TTN: variants seen among roughly 807,000 people sequenced by gnomAD.
TTN encodes the protein titin.
TTN carries 1,525 observed loss-of-function variants against 3,223.0 expected under a neutral mutation model. The ratio of observed to expected loss-of-function variants is 0.47; its 90% confidence interval spans 0.45 to 0.49. The LOEUF (loss-of-function observed/expected upper bound fraction) is 0.49. Ranked by LOEUF, TTN falls within the 20% of genes least tolerant of loss-of-function variation. TTN has a pLI of 0.00. For synonymous variants in TTN, 14,094 were observed against 15,161.0 expected, an observed-to-expected ratio of 0.93 and a Z score of 5.17; for missense variants, 40,786 against 43,424.0, an observed-to-expected ratio of 0.94 and a Z score of 5.40.
At chr2:178,624,177 G>C (rs1419058563) in intron 242 of TTN, among the ~76,000 whole-genome samples, 1 of 151,896 alleles carries the variant, frequency 6.6e-6, no homozygotes, top group Non-Finnish European at 1.5e-5. Flanking sequence ...CATACAGTAG[G>C]CTGACCCCAT....
chr2:178,561,416 T>A lies in TTN; in HGVS notation c.84716A>T (p.Lys28239Ile). The change falls in exon 326 of 363, where the codon AAA becomes ATA. Residue 28239 changes from lysine to isoleucine, a missense_variant. Physicochemically the swap from Lys to Ile is moderately radical, Grantham distance 102. Transcript: ENST00000589042. Reference sequence around the variant, plus strand: ...GACTGGTTCACAAGATTTACTGCATTTACCAATTCCAGCAATATTTTCAGC... The same window carrying A: ...GACTGGTTCACAAGATTTACTGCATATACCAATTCCAGCAATATTTTCAGC... ...VYAENIAGIG[K>I]CSKSCEPVPA... 2 of 1,613,788 alleles carry A rather than the reference T, an allele frequency of 1.2e-6. No individual in the cohort carries two copies. Among genetic ancestry groups the A allele is most frequent in the Non-Finnish European group, 1.7e-6 (2 of 1,179,800 alleles).
intron 3 of TTN, among the ~76,000 whole-genome samples, chr2:178,801,926 T>G (rs2094085502): frequency 6.6e-6 from 1 of 152,210 alleles, no homozygotes; most frequent in Non-Finnish European, 1.5e-5. Flanking sequence ...ATTGAGAAAC[T>G]GATTCTCAGT....
intron 152 of TTN, 84 bp from the exon 153 acceptor site, chr2:178,672,787 T>A: frequency 8.7e-7 from 1 of 1,153,500 alleles, no homozygotes; most frequent in Non-Finnish European, 1.2e-6. Flanking sequence ...ACGCCAACAT[T>A]ACAATAATTA....
At chr2:178,794,650 C>G in intron 7 of TTN, 99 bp from the exon 8 acceptor site, 1 of 1,398,152 alleles carries the variant, frequency 7.2e-7, no homozygotes, top group Non-Finnish European at 1.0e-6. Flanking sequence ...GAGCAAAATA[C>G]ACTCATACAT....
intron 117 of TTN, 163 bp downstream of exon 117, chr2:178,694,436 T>C (rs2073192417): frequency 1.9e-6 from 1 of 517,736 alleles, no homozygotes; most frequent in African/African-American, 2.0e-5. Context: ...TGTTACTATT[T>C]AAATTAAACA....
chr2:178,673,770 A>G (rs2154266084), intron 151 of TTN, 60 bp from the exon 152 acceptor site: 3 of 1,114,224 alleles, frequency 2.7e-6, no homozygotes, highest in Middle Eastern at 2.0e-4. Context: ...AACACCACCC[A>G]TATACCAATA....
Position 178,764,731 on chromosome 2 carries a change from T to A in TTN, c.9784A>T (p.Ile3262Leu). 2.5e-6 allele frequency: 4 copies of A among 1,614,076 alleles called. No homozygotes were observed. The highest frequency in any genetic ancestry group is 3.4e-6 in the Non-Finnish European group (4 of 1,180,002). ...ATTTTGGGCTGTGGTCTTCCGGATA[T>A]CACGGCACAGAAGCGGGCAGGCTTG... ...SGKPARFCAV[I>L]SGRPQPKISW... The change falls in exon 42 of 363, where the codon ATA becomes TTA. Residue 3262 changes from isoleucine to leucine, a missense_variant. Transcript: ENST00000589042.
rs547493691 is a variant in TTN at position 178,786,169 on chromosome 2, C to A, written c.2077-28G>T. 8 of 1,611,516 alleles carry A rather than the reference C, an allele frequency of 5.0e-6. No homozygotes were observed. The East Asian group carries it at 1.6e-4, about 31-fold the overall frequency. On this transcript the variant is annotated intron_variant, in intron 13 of 362. Transcript: ENST00000589042. Reference sequence around the variant, plus strand: ...GGAGACAAGGTTTCCAGAATTAATACATAGGAATATCGAGATCAGGCTGGA... The same window carrying A: ...GGAGACAAGGTTTCCAGAATTAATAAATAGGAATATCGAGATCAGGCTGGA...
In TTN at chr2:178,770,568, T is replaced by G. The variant is rs1357613078; in HGVS notation, c.8224A>C (p.Lys2742Gln). The G allele has an allele frequency of 6.2e-7, 1 of 1,614,160 alleles. No individual in the cohort carries two copies. The highest frequency in any genetic ancestry group is 8.5e-7 in the Non-Finnish European group (1 of 1,179,996). The change falls in exon 35 of 363, where the codon AAA (lysine) becomes CAA (glutamine). Residue 2742 changes from lysine to glutamine, a missense_variant. Coordinates refer to ENST00000589042, the MANE Select transcript of TTN (RefSeq NM_001267550.2). ...HPNVKGVQWIKNGVVLESNEK... is the reference protein window; with the variant it reads ...HPNVKGVQWIQNGVVLESNEK... ...TTGGATTCCAGCACAACTCCATTTT[T>G]GATCCACTGGACACCTTTGACATTA...
At position 178,532,748 on chromosome 2, in the gene TTN, T is replaced by C; in HGVS notation, c.103867A>G (p.Lys34623Glu). ...DQYRPKWRIP[K>E]LSQDDLEIVR... Reference sequence around the variant, plus strand: ...ATCTCAAGATCATCTTGGGACAGTTTAGGAATACGCCATTTAGGTCTGTAT... The same window carrying C: ...ATCTCAAGATCATCTTGGGACAGTTCAGGAATACGCCATTTAGGTCTGTAT... The change falls in exon 358 of 363, where the codon AAA becomes GAA. Residue 34623 changes from lysine (K) to glutamate (E), a missense_variant. Coordinates refer to ENST00000589042, the MANE Select transcript of TTN (RefSeq NM_001267550.2). The C allele has an allele frequency of 6.2e-7, 1 of 1,613,962 alleles. No individual in the cohort carries two copies. The highest frequency in any genetic ancestry group is 8.5e-7 in the Non-Finnish European group (1 of 1,179,858).
At chr2:178,675,484 G>A (rs1015676311) in intron 149 of TTN, among the ~76,000 whole-genome samples, 187 bp downstream of exon 149, 4 of 151,558 alleles carry the variant, frequency 2.6e-5, no homozygotes, top group African/African-American at 4.8e-5. Flanking sequence ...ATAGAGAAAC[G>A]ATGTAAAGCA....
At chr2:178,540,767 G>C (rs1694042946) in intron 350 of TTN, among the ~76,000 whole-genome samples, 1 of 152,154 alleles carries the variant, frequency 6.6e-6, no homozygotes, top group Non-Finnish European at 1.5e-5. Context: ...CTGCACTCCA[G>C]CCTGGGTGAC....
intron 127 of TTN, among the ~76,000 whole-genome samples, chr2:178,687,352 T>C (rs572340771): frequency 3.0e-4 from 45 of 150,752 alleles, no homozygotes; most frequent in African/African-American, 1.1e-3. Flanking sequence ...CCTTAATTCA[T>C]TGAAAAAATA....
intron 335 of TTN, 59 bp downstream of exon 335, chr2:178,551,570 AT>A: frequency 7.4e-7 from 1 of 1,355,850 alleles, no homozygotes; most frequent in Non-Finnish European, 1.0e-6. Context: ...ATTCCTTGAT[AT>A]ATTTGTTTCT....
At chr2:178,768,213 C>A (rs2090863982) in intron 38 of TTN, 58 bp from the exon 39 acceptor site, 4 of 1,564,926 alleles carry the variant, frequency 2.6e-6, no homozygotes, top group South Asian at 1.1e-5. Context: ...AGATATAATT[C>A]ACATACTGTA....
rs748869822 is a variant in TTN at position 178,572,435 on chromosome 2, T to C, written c.73697A>G (p.Tyr24566Cys). 2 of 1,612,708 alleles carry C rather than the reference T, an allele frequency of 1.2e-6. No individual in the cohort carries two copies. The highest frequency in any genetic ancestry group is 2.2e-5 in the South Asian group (2 of 91,038). The change falls in exon 326 of 363, where the codon TAT becomes TGT. Residue 24566 changes from tyrosine (Y) to cysteine (C), a missense_variant. Coordinates refer to ENST00000589042, the MANE Select transcript of TTN (RefSeq NM_001267550.2). ...VEKRESTRKA[Y>C]STVATNCHKT... ...GTGGCAGTTTGTTGCAACAGTTGAA[T>C]ATGCTTTTCTTGTTGATTCCCGCTT...
rs1705177542 is a variant in TTN, at chr2:178,565,043, G to C, written c.81089C>G (p.Thr27030Arg). The C allele has an allele frequency of 6.2e-7, 1 of 1,613,492 alleles. No homozygotes were observed. The highest frequency in any genetic ancestry group is 1.1e-5 in the South Asian group (1 of 91,054). Reference protein sequence around the residue: ...WHMVSATVARTTIKITKLKTG... With the variant: ...WHMVSATVARRTIKITKLKTG... ...TTTCAGTTTGGTTATTTTAATTGTT[G>C]TTCTTGCAACTGTTGCTGATACCAT... The change falls in exon 326 of 363, where the codon ACA becomes AGA. Residue 27030 changes from threonine (T) to arginine (R), a missense_variant. By Grantham distance (71) the Thr-to-Arg change is moderately conservative. Coordinates refer to ENST00000589042, the MANE Select transcript of TTN (RefSeq NM_001267550.2).
Position 178,612,109 on chromosome 2 carries a change from C to T in TTN, c.50302G>A (p.Val16768Ile), listed in dbSNP as rs563084506. The T allele has an allele frequency of 6.2e-7, 1 of 1,612,028 alleles. No homozygotes were observed. The highest frequency in any genetic ancestry group is 1.3e-5 in the African/African-American group (1 of 74,948). ...TTAGGTGGCTCCCACTTTAGGTCAACATGTCGTTTTGTCACATCAACCACT... is the reference window on the plus strand; with the variant it reads ...TTAGGTGGCTCCCACTTTAGGTCAATATGTCGTTTTGTCACATCAACCACT... ...LAVVDVTKRH[V>I]DLKWEPPKND... Residue 16768 changes from valine to isoleucine, a missense_variant, in exon 267 of 363, where the codon GTT becomes ATT. Physicochemically the swap from Val to Ile is conservative, Grantham distance 29. Transcript: ENST00000589042.
chr2:178,757,735 T>A lies in TTN; in HGVS notation c.10485A>T (p.Glu3495Asp). The A allele has an allele frequency of 1.9e-6, 3 of 1,613,890 alleles. No homozygotes were observed. The highest frequency in any genetic ancestry group is 2.5e-6 in the Non-Finnish European group (3 of 1,179,806). ...HARVSGIPKP[E>D]IQWFHNQQLI... ...GCTGCTGGTTATGAAACCATTGGAT[T>A]TCTGGCTTGGGAATGCCAGAAACCC... Residue 3495 changes from glutamate (E) to aspartate (D), a missense_variant, in exon 45 of 363, where the codon GAA (glutamate) becomes GAT (aspartate). Glu to Asp is a conservative substitution (Grantham distance 45). Transcript: ENST00000589042.
Sources: allele counts gnomAD v4.1 joint callset (sites outside exome capture counted in the v4.1 genomes callset), GRCh38; gene constraint gnomAD v4.1.1; transcripts MANE v1.5; gene names NCBI Gene and HGNC (gene_info 2026-07-23, HGNC 2026-07-21).